Variants in KCNB2 observed in about 807,000 individuals in gnomAD.
The protein encoded by KCNB2 is potassium voltage-gated channel subfamily B member 2.
Under a neutral mutation model 61.5 loss-of-function variants are expected in KCNB2, and 15 were observed. The observed-to-expected ratio is 0.24, with a 90% CI of 0.16 to 0.38. The LOEUF is 0.38. Ranked by LOEUF, KCNB2 falls within the 10% of genes least tolerant of loss-of-function variation. KCNB2 has a pLI of 1.00. For missense variants in KCNB2, 828 were observed against 1,125.2 expected, an observed-to-expected ratio of 0.74 and a Z score of 3.78; for synonymous variants, 457 against 446.0, an observed-to-expected ratio of 1.02 and a Z score of -0.31.
intron 2 of KCNB2, among the ~76,000 whole-genome samples, chr8:72,659,937 C>CATTAA (rs1806352487): frequency 2.0e-5 from 3 of 152,156 alleles, no homozygotes; most frequent in Non-Finnish European, 4.4e-5. Flanking sequence ...TTTACTTTAT[C>CATTAA]GTGGTGATCT....
At chr8:72,705,008 T>C (rs757310626) in intron 2 of KCNB2, among the ~76,000 whole-genome samples, 1 of 152,172 alleles carries the variant, frequency 6.6e-6, no homozygotes, top group Non-Finnish European at 1.5e-5. Flanking sequence ...TTTTCATCTG[T>C]AGCTGGTTGA....
At chr8:72,780,976 G>A (rs997948398) in intron 2 of KCNB2, among the ~76,000 whole-genome samples, 1 of 152,162 alleles carries the variant, frequency 6.6e-6, no homozygotes, top group African/African-American at 2.4e-5. Flanking sequence ...AATGATCAGT[G>A]ATGCTGAGCT....
intron 2 of KCNB2, among the ~76,000 whole-genome samples, chr8:72,827,366 G>A (rs1171692973): frequency 6.6e-6 from 1 of 152,034 alleles, no homozygotes; most frequent in African/African-American, 2.4e-5. Context: ...AAATATATCA[G>A]AGATATTTTT....
At chr8:72,896,909 T>C (rs1250205143) in intron 2 of KCNB2, among the ~76,000 whole-genome samples, 1 of 152,182 alleles carries the variant, frequency 6.6e-6, no homozygotes, top group East Asian at 1.9e-4. Context: ...TCAATATCTA[T>C]GTACCCCAAA....
intron 2 of KCNB2, among the ~76,000 whole-genome samples, chr8:72,784,912 C>A (rs577570422): frequency 1.3e-5 from 2 of 152,202 alleles, no homozygotes; most frequent in Admixed American, 6.6e-5. Context: ...AGAAAGGAAC[C>A]TTAAACTTCT....
At chr8:72,656,214 A>G (rs533623258) in intron 2 of KCNB2, among the ~76,000 whole-genome samples, 48 of 152,240 alleles carry the variant, frequency 3.2e-4, no homozygotes, top group African/African-American at 1.1e-3. Context: ...CATTTTTTCA[A>G]TGATATTTTC....
intron 2 of KCNB2, among the ~76,000 whole-genome samples, chr8:72,913,506 T>G (rs1324417577): frequency 1.3e-5 from 2 of 152,226 alleles, no homozygotes; most frequent in Non-Finnish European, 2.9e-5. Context: ...AATAAGTAGC[T>G]GTACTTGGGT....
chr8:72,565,988 G>C (rs1314800565), intron 1 of KCNB2, among the ~76,000 whole-genome samples: 3 of 152,198 alleles, frequency 2.0e-5, no homozygotes, highest in African/African-American at 7.2e-5. Context: ...CATGATCCCA[G>C]AGTGGGAATA....
At chr8:72,914,224 C>T (rs1806351952) in intron 2 of KCNB2, among the ~76,000 whole-genome samples, 1 of 152,152 alleles carries the variant, frequency 6.6e-6, no homozygotes, top group African/African-American at 2.4e-5. Flanking sequence ...AAGACCTAAT[C>T]ACCTCCCAAA....
intron 2 of KCNB2, among the ~76,000 whole-genome samples, chr8:72,772,866 A>G (rs1215257899): frequency 6.6e-6 from 1 of 152,206 alleles, no homozygotes. Flanking sequence ...ATTTTAGGTT[A>G]GGTGGCTCTG....
rs181563937 is a variant in KCNB2 at position 72,694,669 on chromosome 8, A to T, written c.579+126356A>T. On this transcript the variant is annotated intron_variant, in intron 2 of 2. Coordinates refer to ENST00000523207, the MANE Select transcript of KCNB2 (RefSeq NM_004770.3). ...ATGAGTCATTGATAAGCATATTTTTAAAAAATACTGAATTGTATTACCTTT... is the reference window on the plus strand; with the variant it reads ...ATGAGTCATTGATAAGCATATTTTTTAAAAATACTGAATTGTATTACCTTT... Among the ~76,000 whole-genome samples, 325 of 152,218 alleles carry T rather than the reference A, an allele frequency of 2.1e-3. 3 individuals carry two copies. Among genetic ancestry groups the T allele is most frequent in the African/African-American group, 7.2e-3 (300 of 41,550 alleles).
At chr8:72,882,234 C>T (rs16938461) in intron 2 of KCNB2, among the ~76,000 whole-genome samples, 22,026 of 152,186 alleles carry the variant, frequency 0.14, 2,002 homozygotes, top group African/African-American at 0.25. Flanking sequence ...TGTTGTGACT[C>T]ATGGGCCGCC....
intron 2 of KCNB2, among the ~76,000 whole-genome samples, chr8:72,758,131 G>A (rs1413484455): frequency 6.6e-6 from 1 of 152,182 alleles, no homozygotes; most frequent in Non-Finnish European, 1.5e-5. Context: ...GGTGTCTGAT[G>A]AGCAAAAGGG....
chr8:72,547,086 T>C (rs1806270795), intron 1 of KCNB2, among the ~76,000 whole-genome samples: 1 of 152,246 alleles, frequency 6.6e-6, no homozygotes, highest in South Asian at 2.1e-4. Flanking sequence ...ACTCTGCCTA[T>C]GCTTTAGAAA....
chr8:72,752,679 C>T (rs1439165341), intron 2 of KCNB2, among the ~76,000 whole-genome samples: 1 of 152,146 alleles, frequency 6.6e-6, no homozygotes, highest in Non-Finnish European at 1.5e-5. Context: ...ATTTCTCAGC[C>T]TCCATAATCA....
chr8:72,538,501 A>G (rs1373851746), intron 1 of KCNB2, among the ~76,000 whole-genome samples: 2 of 152,124 alleles, frequency 1.3e-5, no homozygotes, highest in Non-Finnish European at 2.9e-5. Context: ...GCCGCCATCC[A>G]TTTTCTCGAG....
chr8:72,630,774 A>G (rs1419994861), intron 2 of KCNB2, among the ~76,000 whole-genome samples: 1 of 152,228 alleles, frequency 6.6e-6, no homozygotes, highest in Admixed American at 6.5e-5. Flanking sequence ...CAGATTTGTC[A>G]GCGTTGTCCT....
intron 2 of KCNB2, among the ~76,000 whole-genome samples, chr8:72,645,462 G>A (rs1461521925): frequency 6.6e-6 from 1 of 152,046 alleles, no homozygotes; most frequent in Non-Finnish European, 1.5e-5. Flanking sequence ...CCTTAGCTAG[G>A]CATAGTAACA....
At chr8:72,873,005 T>C (rs566750102) in intron 2 of KCNB2, among the ~76,000 whole-genome samples, 2 of 152,298 alleles carry the variant, frequency 1.3e-5, no homozygotes, top group South Asian at 2.1e-4. Context: ...AGATGTTTAT[T>C]GATGAGGTGA....
Sources: allele counts gnomAD v4.1 joint callset (sites outside exome capture counted in the v4.1 genomes callset), GRCh38; gene constraint gnomAD v4.1.1; transcripts MANE v1.5; gene names NCBI Gene and HGNC (gene_info 2026-07-23, HGNC 2026-07-21).